The following NPAS3 variants were observed in gnomAD, a reference collection of about 807,000 sequenced individuals.
NPAS3 encodes the protein neuronal PAS domain protein 3, also known as neuronal PAS domain-containing protein 3.
In NPAS3, 14 loss-of-function variants were observed where a neutral mutation model predicts 73.1. That is an observed-to-expected ratio of 0.19 (90% CI 0.13 to 0.30). NPAS3 has a LOEUF of 0.30. NPAS3 is among the 10% of genes least tolerant of loss of function. The pLI, the probability that NPAS3 is intolerant of heterozygous loss-of-function variation, is 1.00. For missense variants in NPAS3, 1,096 were observed against 1,250.0 expected (o/e 0.88, Z 1.86); for synonymous variants, 620 against 541.5 (o/e 1.14, Z -2.01).
chr14:33,612,277 A>C, intron 5 of NPAS3: 1 of 392,748 alleles, frequency 2.5e-6, no homozygotes, highest in Non-Finnish European at 5.2e-6. Context: ...TGTTCAGCTG[A>C]TCTCTCTCTT....
At chr14:33,239,414 A>G (rs1333745553) in intron 3 of NPAS3, among the ~76,000 whole-genome samples, 7 of 151,940 alleles carry the variant, frequency 4.6e-5, no homozygotes. Flanking sequence ...ATCAAATTTT[A>G]GTAGAAGACA....
intron 4 of NPAS3, among the ~76,000 whole-genome samples, chr14:33,406,103 A>G (rs2138819026): frequency 6.6e-6 from 1 of 152,278 alleles, no homozygotes; most frequent in East Asian, 1.9e-4. Flanking sequence ...CTGAAAAAAA[A>G]GATGTCATCA....
At chr14:33,703,664 T>C (rs1595469583) in intron 6 of NPAS3, among the ~76,000 whole-genome samples, 1 of 152,186 alleles carries the variant, frequency 6.6e-6, no homozygotes, top group East Asian at 1.9e-4. Flanking sequence ...CAATAATACA[T>C]GATGATAAAA....
chr14:33,578,076 A>C (rs185605075), intron 5 of NPAS3, among the ~76,000 whole-genome samples: 3 of 152,282 alleles, frequency 2.0e-5, no homozygotes, highest in African/African-American at 7.2e-5. Flanking sequence ...TGTTTTTTCT[A>C]GTTCTTTCTA....
chr14:33,597,146 T>C (rs975978092), intron 5 of NPAS3, among the ~76,000 whole-genome samples: 1 of 152,230 alleles, frequency 6.6e-6, no homozygotes, highest in Non-Finnish European at 1.5e-5. Flanking sequence ...AACAGGTCTC[T>C]CTCCTTTTCT....
At chr14:33,058,183 G>T (rs1055114014) in intron 2 of NPAS3, among the ~76,000 whole-genome samples, 49 of 151,972 alleles carry the variant, frequency 3.2e-4, no homozygotes, top group Non-Finnish European at 6.2e-4. Context: ...CCACACTCTT[G>T]TTGGGTGAAT....
chr14:33,426,248 G>T (rs1204578754), intron 4 of NPAS3, among the ~76,000 whole-genome samples: 1 of 152,088 alleles, frequency 6.6e-6, no homozygotes, highest in Non-Finnish European at 1.5e-5. Context: ...GAAAAATGTG[G>T]ATGCAGAAGC....
At chr14:33,189,000 G>T (rs1432784834) in intron 2 of NPAS3, among the ~76,000 whole-genome samples, 1 of 152,154 alleles carries the variant, frequency 6.6e-6, no homozygotes, top group African/African-American at 2.4e-5. Context: ...AAAAATTAAA[G>T]AATGAGAAAA....
chr14:33,078,095 C>T (rs75832630), intron 2 of NPAS3, among the ~76,000 whole-genome samples: 8,743 of 151,274 alleles, frequency 0.058, 592 homozygotes, highest in East Asian at 0.34. Context: ...GCTGAGATCG[C>T]GCCACTGCAC....
intron 4 of NPAS3, among the ~76,000 whole-genome samples, chr14:33,396,728 G>C (rs939402491): frequency 8.6e-5 from 13 of 152,016 alleles, no homozygotes; most frequent in African/African-American, 2.9e-4. Flanking sequence ...CAGTTGAAAG[G>C]ATTTCAATTG....
At chr14:33,009,866 A>T (rs1440303569) in intron 1 of NPAS3, among the ~76,000 whole-genome samples, 1 of 152,100 alleles carries the variant, frequency 6.6e-6, no homozygotes, top group Non-Finnish European at 1.5e-5. Context: ...GACAAGACCA[A>T]CCATAGTCTA....
At chr14:32,943,693 C>CTTTTTT (rs11331212) in intron 1 of NPAS3, among the ~76,000 whole-genome samples, 3 of 122,316 alleles carry the variant, frequency 2.5e-5, no homozygotes, top group East Asian at 2.2e-4. Context: ...TTTTCTTTTT[C>CTTTTTT]TTTTTTTTTT....
intron 1 of NPAS3, among the ~76,000 whole-genome samples, chr14:33,045,474 AT>A (rs2040477935): frequency 6.6e-6 from 1 of 152,170 alleles, no homozygotes; most frequent in African/African-American, 2.4e-5. Flanking sequence ...GATTTAATTC[AT>A]TTAGTAAGTG....
intron 2 of NPAS3, among the ~76,000 whole-genome samples, chr14:33,085,273 G>A (rs1207099135): frequency 6.6e-6 from 1 of 152,138 alleles, no homozygotes; most frequent in African/African-American, 2.4e-5. Context: ...TTATTATCTG[G>A]CTTATTTGTA....
intron 2 of NPAS3, among the ~76,000 whole-genome samples, chr14:33,069,567 G>A (rs1486831403): frequency 6.6e-6 from 1 of 152,146 alleles, no homozygotes; most frequent in Non-Finnish European, 1.5e-5. Context: ...GGGTGATCTT[G>A]AACAAGTTAC....
At chr14:33,575,261 A>G (rs1476033783) in intron 5 of NPAS3, among the ~76,000 whole-genome samples, 2 of 152,236 alleles carry the variant, frequency 1.3e-5, no homozygotes, top group Non-Finnish European at 2.9e-5. Context: ...GATCGAGTCC[A>G]GTAACACTGC....
chr14:33,507,776 A>G (rs2052840040), intron 4 of NPAS3, among the ~76,000 whole-genome samples: 1 of 152,004 alleles, frequency 6.6e-6, no homozygotes, highest in Admixed American at 6.6e-5. Context: ...TTTTTCTCTG[A>G]CAATGCTGTT....
At chr14:33,573,822 T>G (rs147672943) in intron 5 of NPAS3, among the ~76,000 whole-genome samples, 66 of 152,238 alleles carry the variant, frequency 4.3e-4, no homozygotes, top group African/African-American at 1.6e-3. Context: ...GAAAGCACCC[T>G]CCAATTAAAA....
At chr14:33,712,186 G>A (rs1171265383) in intron 6 of NPAS3, among the ~76,000 whole-genome samples, 5 of 152,120 alleles carry the variant, frequency 3.3e-5, no homozygotes. Context: ...TGATGGGAAG[G>A]ACCTGGTGGT....
Sources: gnomAD v4.1 joint callset for allele counts (sites outside exome capture counted in the v4.1 genomes callset) on GRCh38, gnomAD v4.1.1 for gene constraint, MANE v1.5 for transcripts, NCBI Gene and HGNC (gene_info 2026-07-23, HGNC 2026-07-21) for gene names.